The following CUX1 variants were observed in gnomAD, a reference collection of about 807,000 sequenced individuals.
CUX1 encodes cut like homeobox 1.
Under a neutral mutation model 158.8 loss-of-function variants are expected in CUX1, and 31 were observed. The ratio of observed to expected loss-of-function variants is 0.20; its 90% CI spans 0.15 to 0.26. The LOEUF is 0.26. Ranked by LOEUF, CUX1 falls within the 10% of genes least tolerant of loss-of-function variation. CUX1 has a pLI of 1.00. For synonymous variants in CUX1, 879 were observed against 862.1 expected (o/e 1.02, Z -0.34); for missense variants, 1,589 against 2,014.6 (o/e 0.79, Z 4.04).
chr7:102,072,524 T>A (rs1826247152), intron 4 of CUX1, among the ~76,000 whole-genome samples: 1 of 152,242 alleles, frequency 6.6e-6, no homozygotes. Flanking sequence ...AAAGTTACGC[T>A]TCTCTGCAAA....
At chr7:102,078,323 G>A (rs11772547) in intron 4 of CUX1, among the ~76,000 whole-genome samples, 3 of 152,070 alleles carry the variant, frequency 2.0e-5, no homozygotes, top group East Asian at 1.9e-4. Flanking sequence ...CAATCCTCCC[G>A]CCTCGGCCTC....
intron 4 of CUX1, among the ~76,000 whole-genome samples, chr7:102,078,076 G>A (rs1480090803): frequency 1.3e-5 from 2 of 151,980 alleles, no homozygotes; most frequent in Non-Finnish European, 2.9e-5. Context: ...ATGTTTTTGG[G>A]GGTTTTTGTT....
intron 1 of CUX1, among the ~76,000 whole-genome samples, chr7:101,855,014 T>C (rs576469804): frequency 1.3e-5 from 2 of 152,284 alleles, no homozygotes; most frequent in South Asian, 2.1e-4. Context: ...GGATGACAGG[T>C]GTGAGCCACC....
At position 102,195,540 on chromosome 7, in the gene CUX1, GAGA is replaced by G. The variant is rs1286577660; in HGVS notation, c.1164_1166del (p.Lys388del). 7 of 1,613,008 alleles carry G rather than the reference GAGA, an allele frequency of 4.3e-6. No individual in the cohort carries two copies. The highest frequency in any genetic ancestry group is 5.9e-6 in the Non-Finnish European group (7 of 1,179,860). ...CAAGCCCCTGGAGGTGCTGTTGCTGGAGAAGAACCGCTCGCTGCAGTCCGAGAA... is the reference window on the plus strand; with the variant it reads ...CAAGCCCCTGGAGGTGCTGTTGCTGGAGAACCGCTCGCTGCAGTCCGAGAA... On this transcript the variant is annotated inframe_deletion, in exon 14 of 24. Transcript: ENST00000292535.
chr7:102,007,457 G>T (rs901369190), intron 2 of CUX1, among the ~76,000 whole-genome samples: 4 of 151,814 alleles, frequency 2.6e-5, no homozygotes, highest in African/African-American at 9.7e-5. Context: ...CCGCCCCTGG[G>T]TGCCAGGGCC....
Position 102,250,795 on chromosome 7 carries a change from T to C in CUX1, c.*1753T>C. The C allele has an allele frequency of 1.0e-6, 1 of 985,360 alleles. No homozygotes were observed. The highest frequency in any genetic ancestry group is 1.2e-6 in the Non-Finnish European group (1 of 829,872). The allele number at this position is 985,360 out of a possible 1,614,324, so 61.0% of individuals were successfully genotyped here. ...GGGTGAGAGTGTGCGTGCGTGTGCG[T>C]GTGTGCAATTTTATACGTCTGTGTA... On this transcript the variant is annotated 3_prime_UTR_variant, in exon 24 of 24. Coordinates refer to ENST00000292535, the MANE Select transcript of CUX1 (RefSeq NM_181552.4).
intron 2 of CUX1, among the ~76,000 whole-genome samples, chr7:101,955,025 A>C (rs1388816000): frequency 1.3e-5 from 2 of 151,916 alleles, no homozygotes; most frequent in Admixed American, 6.6e-5. Flanking sequence ...GCAAAAATCA[A>C]CTGGGCCTGG....
intron 2 of CUX1, among the ~76,000 whole-genome samples, chr7:101,998,760 C>A (rs1294422156): frequency 1.3e-5 from 2 of 152,162 alleles, no homozygotes; most frequent in Non-Finnish European, 2.9e-5. Context: ...AGGATCCTGG[C>A]GAGGATGCTG....
intron 9 of CUX1, among the ~76,000 whole-genome samples, chr7:102,159,425 A>G (rs1386486470): frequency 6.6e-6 from 1 of 152,170 alleles, no homozygotes; most frequent in Non-Finnish European, 1.5e-5. Context: ...ACGCATCTTA[A>G]CCATTAGCGT....
chr7:101,833,013 G>A (rs1794227759), intron 1 of CUX1, among the ~76,000 whole-genome samples: 1 of 152,118 alleles, frequency 6.6e-6, no homozygotes, highest in Admixed American at 6.6e-5. Flanking sequence ...TAACTTCGGG[G>A]CTGGTTCCCT....
chr7:101,842,433 G>C (rs942123511), intron 1 of CUX1, among the ~76,000 whole-genome samples: 6 of 152,140 alleles, frequency 3.9e-5, no homozygotes, highest in African/African-American at 1.4e-4. Flanking sequence ...CATCACCCAG[G>C]CTGGCACGCA....
At chr7:102,007,907 G>A (rs534330021) in intron 2 of CUX1, among the ~76,000 whole-genome samples, 25 of 151,820 alleles carry the variant, frequency 1.6e-4, no homozygotes, top group Non-Finnish European at 3.1e-4. Context: ...ACCACACCCG[G>A]CTAATTTTTG....
In CUX1 at chr7:102,147,170, C is replaced by T. The variant is rs539340259; in HGVS notation, c.675-11390C>T. 2.6e-5 allele frequency among the ~76,000 whole-genome samples: 4 copies of T among 152,182 alleles called. No homozygotes were observed. The South Asian group carries it at 6.2e-4, about 24-fold the overall frequency. On this transcript the variant is annotated intron_variant, in intron 8 of 23. Transcript: ENST00000292535. ...ACCGTGGAGTGTGACACATTTGATCCGGGGCTTGGCAGATGCAAGATGGCT... is the reference window on the plus strand; with the variant it reads ...ACCGTGGAGTGTGACACATTTGATCTGGGGCTTGGCAGATGCAAGATGGCT...
intron 2 of CUX1, among the ~76,000 whole-genome samples, chr7:101,979,038 G>A (rs2129210312): frequency 6.6e-6 from 1 of 152,342 alleles, no homozygotes; most frequent in East Asian, 1.9e-4. Context: ...GCGCTGCCTG[G>A]TGTTAACCGC....
chr7:101,916,278 C>T lies in CUX1; in HGVS notation c.141+53C>T. 1.8e-6 allele frequency: 2 copies of T among 1,140,254 alleles called. No homozygotes were observed. The highest frequency in any genetic ancestry group is 1.3e-6 in the Non-Finnish European group (1 of 749,896). 70.6% of individuals were successfully genotyped at this position (1,140,254 alleles called of 1,614,324 possible). On this transcript the variant is annotated intron_variant, in intron 2 of 23. Transcript: ENST00000292535. The surrounding 1 kb of genome is among the most constrained non-coding windows in gnomAD (Gnocchi z 4.4). The stretch of plus-strand genomic sequence containing the variant: ...TTGAAGGGATCTTAGAATGCTGGTG[C>T]ATGTTCAGGCGACGCTCCGTGAGCG...
At chr7:101,989,270 G>A (rs796813017) in intron 2 of CUX1, among the ~76,000 whole-genome samples, 3 of 152,258 alleles carry the variant, frequency 2.0e-5, no homozygotes, top group African/African-American at 7.2e-5. Flanking sequence ...CTGGTTCCAC[G>A]TGTCCCCAAT....
chr7:101,878,861 G>A lies in CUX1; in HGVS notation c.31-37254G>A, dbSNP rs141884941. ...CCAATTTTGTATTTTTAGTAGAGATGGGGTTTCGCCATGTTGGCCAGGCTG... is the reference window on the plus strand; with the variant it reads ...CCAATTTTGTATTTTTAGTAGAGATAGGGTTTCGCCATGTTGGCCAGGCTG... On this transcript the variant is annotated intron_variant, in intron 1 of 23. Coordinates refer to ENST00000292535, the MANE Select transcript of CUX1 (RefSeq NM_181552.4). 7.1e-4 allele frequency among the ~76,000 whole-genome samples: 108 copies of A among 152,072 alleles called. No individual in the cohort carries two copies. In the East Asian group the frequency reaches 0.016, roughly 23 times the overall value.
At chr7:102,009,758 G>A (rs1817782072) in intron 2 of CUX1, among the ~76,000 whole-genome samples, 1 of 152,192 alleles carries the variant, frequency 6.6e-6, no homozygotes, top group African/African-American at 2.4e-5. Context: ...CAAGGGCCTT[G>A]GACTTCTTTA....
chr7:101,866,452 G>C (rs1201723263), intron 1 of CUX1, among the ~76,000 whole-genome samples: 1 of 151,826 alleles, frequency 6.6e-6, no homozygotes, highest in Non-Finnish European at 1.5e-5. Context: ...CTGGGTGACT[G>C]AGTGAGACGC....
Sources: gnomAD v4.1 joint callset for allele counts (sites outside exome capture counted in the v4.1 genomes callset) on GRCh38, gnomAD v4.1.1 for gene constraint, Gnocchi (gnomAD v3.1) non-coding constraint, MANE v1.5 for transcripts, NCBI Gene and HGNC (gene_info 2026-07-23, HGNC 2026-07-21) for gene names.